Variants in PRKG1 observed in about 807,000 individuals in gnomAD.
The protein encoded by PRKG1 is protein kinase cGMP-dependent 1, also known as cGMP-dependent protein kinase 1.
Under a neutral mutation model 88.1 loss-of-function variants are expected in PRKG1, and 35 were observed. The ratio of observed to expected loss-of-function variants is 0.40; its 90% CI spans 0.30 to 0.53. PRKG1 has a LOEUF of 0.53. PRKG1 is among the 20% of genes least tolerant of loss of function. The pLI is 0.59. For synonymous variants in PRKG1, 303 were observed against 292.5 expected (o/e 1.04, Z -0.37); for missense variants, 540 against 839.8 (o/e 0.64, Z 4.41).
intron 2 of PRKG1, among the ~76,000 whole-genome samples, chr10:51,231,714 T>A (rs912083376): frequency 1.3e-5 from 2 of 151,830 alleles, no homozygotes; most frequent in Non-Finnish European, 2.9e-5. Context: ...TGAAACATTT[T>A]TTTTTTTTTT....
intron 5 of PRKG1, among the ~76,000 whole-genome samples, chr10:51,987,762 G>A (rs943555529): frequency 2.0e-5 from 3 of 151,990 alleles, no homozygotes; most frequent in East Asian, 1.9e-4. Context: ...CAGTGTATGT[G>A]TGTCTGTGTT....
chr10:52,273,339 T>C (rs1276566812), intron 12 of PRKG1, among the ~76,000 whole-genome samples: 1 of 152,096 alleles, frequency 6.6e-6, no homozygotes, highest in Non-Finnish European at 1.5e-5. Flanking sequence ...TTTGTTCTTT[T>C]GAACACTCAC....
chr10:51,399,441 GA>G (rs983762488), intron 2 of PRKG1, among the ~76,000 whole-genome samples: 1 of 151,730 alleles, frequency 6.6e-6, no homozygotes, highest in Non-Finnish European at 1.5e-5. Context: ...TCTGATCAAA[GA>G]AAAAAAATAA....
At chr10:51,705,868 C>G (rs368965044) in intron 3 of PRKG1, among the ~76,000 whole-genome samples, 3 of 152,178 alleles carry the variant, frequency 2.0e-5, no homozygotes, top group East Asian at 3.8e-4. Context: ...GGATACATAG[C>G]TACTAAGTGG....
chr10:51,571,048 T>A (rs941070307), intron 3 of PRKG1, among the ~76,000 whole-genome samples: 1 of 152,120 alleles, frequency 6.6e-6, no homozygotes, highest in African/African-American at 2.4e-5. Context: ...AGAGTTTGAA[T>A]CTTGCTTCAC....
At chr10:51,182,576 G>A (rs1418745300) in intron 2 of PRKG1, among the ~76,000 whole-genome samples, 1 of 152,140 alleles carries the variant, frequency 6.6e-6, no homozygotes, top group Non-Finnish European at 1.5e-5. Flanking sequence ...ATGTCACAGG[G>A]GTTAGAGTGG....
intron 4 of PRKG1, among the ~76,000 whole-genome samples, chr10:51,902,556 G>T (rs868278908): frequency 7.2e-5 from 11 of 152,224 alleles, no homozygotes; most frequent in African/African-American, 2.6e-4. Context: ...GTATTTACTT[G>T]TTGTTTTTCT....
At chr10:52,195,935 G>A (rs1170766991) in intron 9 of PRKG1, among the ~76,000 whole-genome samples, 3 of 152,022 alleles carry the variant, frequency 2.0e-5, no homozygotes, top group Admixed American at 6.5e-5. Context: ...GTTCAAATGA[G>A]AACTGAAAAA....
intron 1 of PRKG1, among the ~76,000 whole-genome samples, chr10:51,150,896 G>C (rs1846055322): frequency 6.6e-6 from 1 of 152,012 alleles, no homozygotes; most frequent in Non-Finnish European, 1.5e-5. Flanking sequence ...TTATTTATGA[G>C]AGGGGAGAAA....
intron 2 of PRKG1, among the ~76,000 whole-genome samples, chr10:51,233,245 A>C (rs931305508): frequency 2.6e-5 from 4 of 152,184 alleles, no homozygotes; most frequent in African/African-American, 7.2e-5. Context: ...GTATTCACAT[A>C]ATAACCATCT....
At chr10:51,074,433 C>G, upstream of PRKG1, 1 of 1,447,812 alleles carries the variant, frequency 6.9e-7, no homozygotes, top group South Asian at 1.5e-5. Context: ...AGCCGGCGGA[C>G]TGGGCATGCT....
intron 7 of PRKG1, among the ~76,000 whole-genome samples, chr10:52,074,168 G>T (rs1455594725): frequency 5.9e-5 from 9 of 152,128 alleles, no homozygotes; most frequent in Non-Finnish European, 1.3e-4. Context: ...AGTAACTAAT[G>T]TTAATAAAAT....
At chr10:52,022,356 T>A (rs1323315103) in intron 5 of PRKG1, among the ~76,000 whole-genome samples, 2 of 152,210 alleles carry the variant, frequency 1.3e-5, no homozygotes, top group Non-Finnish European at 2.9e-5. Context: ...AGGAGTTTAA[T>A]TTTTTACTTC....
At chr10:51,014,572 C>T (rs12573170) in intron 1 of PRKG1, among the ~76,000 whole-genome samples, 4,261 of 152,044 alleles carry the variant, frequency 0.028, 78 homozygotes, top group East Asian at 0.042. Flanking sequence ...ACTCCTTATC[C>T]GTGATGAAGC....
intron 10 of PRKG1, among the ~76,000 whole-genome samples, chr10:52,264,688 C>G (rs559547254): frequency 3.3e-5 from 5 of 152,144 alleles, no homozygotes; most frequent in Middle Eastern, 3.4e-3. Flanking sequence ...GCAGCTATTA[C>G]AATTACGGTG....
intron 1 of PRKG1, among the ~76,000 whole-genome samples, chr10:51,127,400 A>G (rs1033329222): frequency 1.3e-5 from 2 of 152,190 alleles, no homozygotes; most frequent in African/African-American, 2.4e-5. Context: ...AATCAAAACC[A>G]TAATGAGATA....
intron 8 of PRKG1, among the ~76,000 whole-genome samples, chr10:52,142,611 A>T (rs748177608): frequency 5.3e-5 from 8 of 152,122 alleles, no homozygotes; most frequent in Non-Finnish European, 1.0e-4. Flanking sequence ...GTTCCAAATG[A>T]CTCTTCAAAT....
chr10:51,163,182 A>T lies in PRKG1; in HGVS notation c.478+9852A>T, dbSNP rs1053854261. 5.9e-5 allele frequency among the ~76,000 whole-genome samples: 9 copies of T among 152,336 alleles called. No homozygotes were observed. In the East Asian group the frequency reaches 1.7e-3, roughly 29 times the overall value. On this transcript the variant is annotated intron_variant, in intron 2 of 17. Coordinates refer to ENST00000373980, the MANE Select transcript of PRKG1 (RefSeq NM_006258.4). ...CTCTGTCTCAAACAAAAACAAAAAG[A>T]AAAACAGAACACAAATAGAGTATTT...
intron 4 of PRKG1, among the ~76,000 whole-genome samples, chr10:51,818,278 T>C (rs1839644868): frequency 6.6e-6 from 1 of 152,192 alleles, no homozygotes. Context: ...ATTGTCTCAC[T>C]GATAACAGTT....
Sources: allele counts gnomAD v4.1 joint callset (sites outside exome capture counted in the v4.1 genomes callset), GRCh38; gene constraint gnomAD v4.1.1; transcripts MANE v1.5; gene names NCBI Gene and HGNC (gene_info 2026-07-23, HGNC 2026-07-21).